LARGE1: variants seen among roughly 807,000 people sequenced by gnomAD.
LARGE1 encodes the protein LARGE xylosyl- and glucuronyltransferase 1, also known as xylosyl- and glucuronyltransferase LARGE1.
Under a neutral mutation model 87.6 loss-of-function variants are expected in LARGE1, and 43 were observed. That is an observed-to-expected ratio of 0.49 (90% CI 0.38 to 0.63). The LOEUF is 0.63. Ranked by LOEUF, LARGE1 falls within the 30% of genes least tolerant of loss-of-function variation. The pLI is 0.00. For synonymous variants in LARGE1, 434 were observed against 394.6 expected (o/e 1.10, Z -1.18); for missense variants, 802 against 1,000.2 (o/e 0.80, Z 2.67).
At chr22:33,484,257 TG>T (rs1329567723) in intron 6 of LARGE1, among the ~76,000 whole-genome samples, 5 of 152,156 alleles carry the variant, frequency 3.3e-5, no homozygotes, top group Non-Finnish European at 5.9e-5. Context: ...GTGCTATGGG[TG>T]ATTCAAAGAA....
chr22:33,446,351 T>C (rs137893278), intron 6 of LARGE1, among the ~76,000 whole-genome samples: 1,610 of 152,292 alleles, frequency 0.011, 13 homozygotes, highest in Admixed American at 0.016. Flanking sequence ...TGTATCCTTC[T>C]AAGAAATTAT....
intron 6 of LARGE1, among the ~76,000 whole-genome samples, chr22:33,459,437 CTCTCTT>C (rs1261448459): frequency 7.0e-6 from 1 of 142,736 alleles, no homozygotes; most frequent in Non-Finnish European, 1.5e-5. Context: ...CGCTCGCTCT[CTCTCTT>C]TTTTTTTTTT....
intron 2 of LARGE1, among the ~76,000 whole-genome samples, chr22:33,702,105 T>G (rs565219884): frequency 1.3e-5 from 2 of 152,256 alleles, no homozygotes; most frequent in South Asian, 4.1e-4. Flanking sequence ...TTCCAAAAAG[T>G]CAAGGTAAAG....
At chr22:33,691,858 C>G (rs1007034880) in intron 2 of LARGE1, among the ~76,000 whole-genome samples, 1 of 152,148 alleles carries the variant, frequency 6.6e-6, no homozygotes, top group Non-Finnish European at 1.5e-5. Flanking sequence ...TCCCTGGACT[C>G]TAGGAGAGCA....
intron 1 of LARGE1, among the ~76,000 whole-genome samples, chr22:33,770,703 A>G (rs1331566509): frequency 6.6e-6 from 1 of 152,128 alleles, no homozygotes; most frequent in African/African-American, 2.4e-5. Flanking sequence ...AGAAAATAAA[A>G]AAGCAAAAAA....
intron 6 of LARGE1, among the ~76,000 whole-genome samples, chr22:33,551,251 T>A (rs375772735): frequency 6.4e-4 from 97 of 152,342 alleles, no homozygotes; most frequent in African/African-American, 2.3e-3. Context: ...AGTGCCAACA[T>A]GGAGAAACCC....
intron 3 of LARGE1, among the ~76,000 whole-genome samples, chr22:33,628,607 C>T (rs886623654): frequency 1.3e-5 from 2 of 152,160 alleles, no homozygotes; most frequent in Non-Finnish European, 1.5e-5. Context: ...TAAGCCATCG[C>T]ACCCCGCCTA....
At chr22:33,508,412 T>A (rs1005708290) in intron 6 of LARGE1, among the ~76,000 whole-genome samples, 4 of 152,218 alleles carry the variant, frequency 2.6e-5, no homozygotes, top group Non-Finnish European at 4.4e-5. Context: ...AGGGTCATGT[T>A]AATTACACCC....
the LARGE1 span, among the ~76,000 whole-genome samples, chr22:33,100,926 G>C: frequency 6.6e-6 from 1 of 151,766 alleles, no homozygotes; most frequent in South Asian, 2.1e-4. Flanking sequence ...TGCCACCTGG[G>C]AGGCAGACTC....
intron 7 of LARGE1, among the ~76,000 whole-genome samples, chr22:33,403,866 G>C (rs1171941757): frequency 1.3e-5 from 2 of 152,106 alleles, no homozygotes; most frequent in African/African-American, 4.8e-5. Flanking sequence ...CCAAAGCGTT[G>C]GGATTACAGG....
downstream of LARGE1, among the ~76,000 whole-genome samples, chr22:33,271,889 T>G (rs1347557450): frequency 6.6e-6 from 1 of 152,228 alleles, no homozygotes; most frequent in African/African-American, 2.4e-5. Flanking sequence ...GGAAATAGGA[T>G]TTTCTCCTGT....
At chr22:33,358,951 C>A (rs1194631227) in intron 9 of LARGE1, among the ~76,000 whole-genome samples, 2 of 150,618 alleles carry the variant, frequency 1.3e-5, no homozygotes, top group Non-Finnish European at 2.9e-5. Flanking sequence ...TGAGCCGAGA[C>A]TGCACTATTG....
At chr22:33,656,994 A>T (rs369290760) in intron 2 of LARGE1, 1 of 152,336 alleles carries the variant, frequency 6.6e-6, no homozygotes, top group East Asian at 1.9e-4. Flanking sequence ...GATCTCAATC[A>T]ATCTGAATGT....
At chr22:33,682,936 G>A (rs2081826756) in intron 2 of LARGE1, among the ~76,000 whole-genome samples, 1 of 152,154 alleles carries the variant, frequency 6.6e-6, no homozygotes, top group Non-Finnish European at 1.5e-5. Flanking sequence ...CCCACTTCAG[G>A]TTAGTAATGA....
chr22:33,816,680 A>ATAGG (rs2086659178), intron 1 of LARGE1, among the ~76,000 whole-genome samples: 1 of 129,414 alleles, frequency 7.7e-6, no homozygotes, highest in Admixed American at 7.3e-5. Context: ...GGATGGATAG[A>ATAGG]TAGATAGATA....
intron 9 of LARGE1, among the ~76,000 whole-genome samples, chr22:33,341,979 G>A (rs1939196111): frequency 6.6e-6 from 1 of 152,196 alleles, no homozygotes; most frequent in Admixed American, 6.5e-5. Context: ...CAGGAGAGTA[G>A]AGACGGCTGG....
chr22:33,339,563 G>A (rs73401467), intron 9 of LARGE1, among the ~76,000 whole-genome samples: 1 of 151,844 alleles, frequency 6.6e-6, no homozygotes, highest in African/African-American at 2.4e-5. Context: ...TGCAAAACTA[G>A]AGCCTAGGAT....
At chr22:33,485,741 G>A (rs1316701505) in intron 6 of LARGE1, among the ~76,000 whole-genome samples, 1 of 152,022 alleles carries the variant, frequency 6.6e-6, no homozygotes, top group African/African-American at 2.4e-5. Flanking sequence ...CATTATCCGT[G>A]AGGCTACTCT....
intron 6 of LARGE1, among the ~76,000 whole-genome samples, chr22:33,438,710 C>A (rs536562922): frequency 1.3e-5 from 2 of 152,160 alleles, no homozygotes; most frequent in Non-Finnish European, 2.9e-5. Flanking sequence ...AAAGGCTGAG[C>A]TGAGCATTCG....
Sources: gnomAD v4.1 joint callset for allele counts (sites outside exome capture counted in the v4.1 genomes callset) on GRCh38, gnomAD v4.1.1 for gene constraint, MANE v1.5 for transcripts, NCBI Gene and HGNC (gene_info 2026-07-23, HGNC 2026-07-21) for gene names.